Variants in SPAG1 observed in about 807,000 individuals in gnomAD.
The protein encoded by SPAG1 is sperm-associated antigen 1.
Under a neutral mutation model 100.5 loss-of-function variants are expected in SPAG1, and 69 were observed. The ratio of observed to expected loss-of-function variants is 0.69; its 90% CI spans 0.57 to 0.84. SPAG1 has a LOEUF of 0.84. Ranked by LOEUF, SPAG1 falls within the 40% of genes least tolerant of loss-of-function variation. The probability of loss-of-function intolerance (pLI) is 0.00; values close to 1 mark genes in which losing one functional copy is unlikely to be tolerated. For missense variants in SPAG1, 955 were observed against 1,133.1 expected, an observed-to-expected ratio of 0.84 and a Z score of 2.26; for synonymous variants, 336 against 411.6, an observed-to-expected ratio of 0.82 and a Z score of 2.22.
intron 13 of SPAG1, among the ~76,000 whole-genome samples, chr8:100,222,464 CAG>C (rs1297107286): frequency 6.6e-6 from 1 of 152,196 alleles, no homozygotes; most frequent in Non-Finnish European, 1.5e-5. Context: ...CATTTTCAAA[CAG>C]AGAACACAGA....
intron 12 of SPAG1, among the ~76,000 whole-genome samples, chr8:100,215,566 T>C (rs1203542635): frequency 6.6e-6 from 1 of 152,200 alleles, no homozygotes; most frequent in African/African-American, 2.4e-5. Flanking sequence ...TGAGACAGAG[T>C]CTCGCTCTGT....
At chr8:100,228,331 G>A (rs997323897) in intron 14 of SPAG1, among the ~76,000 whole-genome samples, 1 of 151,414 alleles carries the variant, frequency 6.6e-6, no homozygotes, top group Non-Finnish European at 1.5e-5. Flanking sequence ...CAGTAGTTTG[G>A]GAGGCCATGG....
intron 14 of SPAG1, among the ~76,000 whole-genome samples, chr8:100,229,126 G>T (rs1818647834): frequency 6.6e-6 from 1 of 152,198 alleles, no homozygotes; most frequent in Admixed American, 6.5e-5. Context: ...TGAGGAAGTA[G>T]GCCGGGCGTG....
intron 1 of SPAG1, among the ~76,000 whole-genome samples, chr8:100,161,489 A>C (rs1815303839): frequency 6.6e-6 from 1 of 152,238 alleles, no homozygotes; most frequent in South Asian, 2.1e-4. Flanking sequence ...GCCCTTATAC[A>C]AAGGCTGGGA....
rs1362961884 is a variant in SPAG1, at chr8:100,184,081, ATAATT to A, written c.595+22_595+26del. On this transcript the variant is annotated intron_variant, in intron 6 of 18. Transcript: ENST00000388798. Reference sequence around the variant, plus strand: ...ACAGCAGGTAATTGGAGAAAAAATAATAATTTAGTAGTCTTTAAAGTTTTTCAATT... The same window carrying A: ...ACAGCAGGTAATTGGAGAAAAAATAATAGTAGTCTTTAAAGTTTTTCAATT... The A allele has an allele frequency of 9.9e-6, 11 of 1,114,712 alleles. No individual in the cohort carries two copies. Among genetic ancestry groups the A allele is most frequent in the Non-Finnish European group, 1.4e-5 (11 of 776,430 alleles). The allele number at this position is 1,114,712 out of a possible 1,614,324, so 69.1% of individuals were successfully genotyped here.
intron 3 of SPAG1, among the ~76,000 whole-genome samples, chr8:100,176,460 G>T (rs576366423): frequency 1.3e-5 from 2 of 151,512 alleles, no homozygotes; most frequent in African/African-American, 2.4e-5. Context: ...CCGCCTCCTG[G>T]GTTCAAGTAA....
At chr8:100,185,733 C>T (rs1013498211) in intron 7 of SPAG1, among the ~76,000 whole-genome samples, 1 of 152,104 alleles carries the variant, frequency 6.6e-6, no homozygotes, top group Non-Finnish European at 1.5e-5. Flanking sequence ...AATCTTTTTT[C>T]CACCTTTGGA....
chr8:100,222,348 A>G (rs1016549039), intron 13 of SPAG1, among the ~76,000 whole-genome samples: 52 of 152,032 alleles, frequency 3.4e-4, no homozygotes, highest in African/African-American at 1.1e-3. Flanking sequence ...CTTTTCCTGT[A>G]GCTGTAGCCG....
intron 10 of SPAG1, among the ~76,000 whole-genome samples, chr8:100,211,324 T>C (rs1389235874): frequency 1.3e-5 from 2 of 152,172 alleles, no homozygotes; most frequent in African/African-American, 2.4e-5. Flanking sequence ...TTCAGAGCCA[T>C]TTCAATCTTA....
At chr8:100,176,964 CTTTT>C (rs201383065) in intron 3 of SPAG1, among the ~76,000 whole-genome samples, 1 of 143,584 alleles carries the variant, frequency 7.0e-6, no homozygotes, top group African/African-American at 2.6e-5. Context: ...TCGTTTCTTT[CTTTT>C]TTTTCAATGG....
intron 12 of SPAG1, among the ~76,000 whole-genome samples, chr8:100,215,811 A>G (rs1817959979): frequency 6.6e-6 from 1 of 152,250 alleles, no homozygotes. Context: ...GGCGTGAGCC[A>G]CCGCGCCCGG....
At chr8:100,240,804 G>A (rs1819230034) in intron 18 of SPAG1, 33 bp downstream of exon 18, 1 of 1,563,688 alleles carries the variant, frequency 6.4e-7, no homozygotes, top group Non-Finnish European at 8.6e-7. Flanking sequence ...AGTAGAAATT[G>A]GTTTTATTAG....
chr8:100,165,032 T>C (rs1815486132), intron 2 of SPAG1, among the ~76,000 whole-genome samples: 1 of 152,196 alleles, frequency 6.6e-6, no homozygotes, highest in Non-Finnish European at 1.5e-5. Context: ...TGTGACACTA[T>C]TACCCTTAAT....
At chr8:100,183,284 A>C (rs1474474355) in intron 4 of SPAG1, 91 bp from the exon 5 acceptor site, 3 of 648,042 alleles carry the variant, frequency 4.6e-6, no homozygotes, top group Non-Finnish European at 8.2e-6. Context: ...CCATTTGTAT[A>C]TCTTAACCCA....
At chr8:100,203,424 T>C (rs143303592) in intron 10 of SPAG1, among the ~76,000 whole-genome samples, 23 of 152,308 alleles carry the variant, frequency 1.5e-4, no homozygotes, top group African/African-American at 3.8e-4. Context: ...AACAGACTAT[T>C]AAGGATGCAG....
intron 10 of SPAG1, among the ~76,000 whole-genome samples, chr8:100,203,900 C>G (rs962296986): frequency 6.6e-6 from 1 of 152,266 alleles, no homozygotes; most frequent in African/African-American, 2.4e-5. Context: ...GCGTGCACAG[C>G]CTTGCCAGGT....
At position 100,194,198 on chromosome 8, in the gene SPAG1, G is replaced by A; in HGVS notation, c.1026G>A (p.Gln342=). Residue 342 remains glutamine (Q), a synonymous_variant, in exon 10 of 19, where the codon CAG becomes CAA. Transcript: ENST00000388798. The stretch of plus-strand genomic sequence containing the variant: ...CCAAAGGGAAAAGGATGGTTATTCA[G>A]GAAATAGAAAACTCCGAAGATGAAG... ...TQTKGKRMVI[Q]EIENSEDEEG... is the part of the protein sequence containing the mutation. 1 of 1,612,100 alleles carries A rather than the reference G, an allele frequency of 6.2e-7. No homozygotes were observed. The highest frequency in any genetic ancestry group is 2.2e-5 in the East Asian group (1 of 44,784).
At chr8:100,236,928 A>G (rs1819032683) in intron 16 of SPAG1, among the ~76,000 whole-genome samples, 1 of 152,170 alleles carries the variant, frequency 6.6e-6, no homozygotes, top group Admixed American at 6.5e-5. Context: ...TAAAATAACT[A>G]TTGCTTTTAT....
At chr8:100,213,485 C>T in intron 11 of SPAG1, 57 bp downstream of exon 11, 1 of 1,300,068 alleles carries the variant, frequency 7.7e-7, no homozygotes, top group South Asian at 1.8e-5. Context: ...TTCACCCGAC[C>T]TCCGGGGCCC....
Sources: allele counts gnomAD v4.1 joint callset (sites outside exome capture counted in the v4.1 genomes callset), GRCh38; gene constraint gnomAD v4.1.1; transcripts MANE v1.5; gene names NCBI Gene and HGNC (gene_info 2026-07-23, HGNC 2026-07-21).